DTHD1: variants seen among roughly 807,000 people sequenced by gnomAD.
DTHD1 encodes death domain-containing protein 1.
Under a neutral mutation model 74.8 loss-of-function variants are expected in DTHD1, and 59 were observed. The ratio of observed to expected loss-of-function variants is 0.79; its 90% CI spans 0.64 to 0.98. The LOEUF (loss-of-function observed/expected upper bound fraction) is 0.98, where lower values mean the gene tolerates loss of function less well. Ranked by LOEUF, DTHD1 falls within the 50% of genes least tolerant of loss-of-function variation. The pLI is 0.00. For synonymous variants in DTHD1, 365 were observed against 371.1 expected (o/e 0.98, Z 0.19); for missense variants, 1,051 against 1,065.4 (o/e 0.99, Z 0.19).
At chr4:36,342,153 C>T (rs962625657) in intron 9 of DTHD1, among the ~76,000 whole-genome samples, 12 of 152,138 alleles carry the variant, frequency 7.9e-5, no homozygotes, top group African/African-American at 2.2e-4. Flanking sequence ...TTGCTGATGA[C>T]GTGGATGGGA....
intron 8 of DTHD1, among the ~76,000 whole-genome samples, chr4:36,329,460 A>G (rs553443386): frequency 2.6e-5 from 4 of 152,298 alleles, no homozygotes; most frequent in Admixed American, 2.6e-4. Flanking sequence ...CTTGAGCAGG[A>G]CAGCTCCAGT....
chr4:36,305,020 T>C (rs890525143), intron 5 of DTHD1, among the ~76,000 whole-genome samples: 1 of 152,078 alleles, frequency 6.6e-6, no homozygotes, highest in African/African-American at 2.4e-5. Flanking sequence ...TGAGCTGTGG[T>C]TGGGGAAAAG....
rs35552684 is a variant in DTHD1, at chr4:36,293,034, C to A, written c.1219-492C>A. ...AGAGAAAATGACTTTATTTGGGGAA[C>A]CTAAGATACTGTGAGCTATTAGAAG... On this transcript the variant is annotated intron_variant, in intron 3 of 9. Transcript: ENST00000639862. Among the ~76,000 whole-genome samples the A allele has an allele frequency of 3.1e-3, 479 of 152,266 alleles. 3 individuals are homozygous for A. The highest frequency in any genetic ancestry group is 5.5e-3 in the Non-Finnish European group (373 of 68,008).
intron 7 of DTHD1, among the ~76,000 whole-genome samples, chr4:36,313,646 T>TA (rs1757529062): frequency 6.6e-6 from 1 of 152,218 alleles, no homozygotes; most frequent in Admixed American, 6.5e-5. Flanking sequence ...TATATAAATG[T>TA]GATCTTTAGA....
intron 1 of DTHD1, among the ~76,000 whole-genome samples, chr4:36,282,761 G>A (rs1755473162): frequency 1.3e-5 from 2 of 152,164 alleles, no homozygotes; most frequent in Non-Finnish European, 2.9e-5. Flanking sequence ...AGGAAATCCA[G>A]GGTAGATGAT....
chr4:36,301,478 A>G (rs1756769266), intron 5 of DTHD1, among the ~76,000 whole-genome samples: 1 of 152,204 alleles, frequency 6.6e-6, no homozygotes, highest in Non-Finnish European at 1.5e-5. Context: ...TAATAGTACT[A>G]GATGAAAAAG....
chr4:36,295,146 T>G (rs1193021450), intron 5 of DTHD1, 107 bp downstream of exon 5: 6 of 1,231,154 alleles, frequency 4.9e-6, no homozygotes, highest in South Asian at 4.2e-5. Context: ...TATTAAAATA[T>G]TATGAAATAT....
chr4:36,281,651 C>T lies in DTHD1; in HGVS notation c.-108C>T, dbSNP rs1319352606. The T allele has an allele frequency of 8.1e-7, 1 of 1,232,138 alleles. No homozygotes were observed. Among genetic ancestry groups the T allele is most frequent in the African/African-American group, 1.6e-5 (1 of 64,418 alleles). 76.3% of individuals were successfully genotyped at this position (1,232,138 alleles called of 1,614,324 possible). A position where few individuals can be genotyped will look rare whatever the true frequency, so the allele number is the denominator to read the frequency against. On this transcript the variant is annotated 5_prime_UTR_variant, in exon 1 of 10. Transcript: ENST00000639862. ...TGTGAGAAAGTGCTGGGCTAGCTGA[C>T]TCGGATCATCTCCTAGAGTTTAGGA...
intron 8 of DTHD1, among the ~76,000 whole-genome samples, chr4:36,322,756 T>C (rs1249779265): frequency 6.6e-6 from 1 of 152,236 alleles, no homozygotes; most frequent in Non-Finnish European, 1.5e-5. Context: ...AGAATAATGA[T>C]TCACCACTAA....
rs1190409837 is a variant in DTHD1, at chr4:36,290,695, G to A, written c.1210G>A (p.Gly404Ser). 6 of 1,534,904 alleles carry A rather than the reference G, an allele frequency of 3.9e-6. No individual in the cohort carries two copies. The highest frequency in any genetic ancestry group is 5.2e-6 in the Non-Finnish European group (6 of 1,143,940). The change falls in exon 3 of 10, where the codon GGT (glycine) becomes AGT (serine). Residue 404 changes from glycine to serine, a missense_variant. Coordinates refer to ENST00000639862, the MANE Select transcript of DTHD1 (RefSeq NM_001170700.3). ...NPNSLEGMKG[G>S]YKGTCASVKV... ...AAATTCACTAGAAGGAATGAAGGGAGGTTATAAGGTTAGTAAATTCTTGGC... is the reference window on the plus strand; with the variant it reads ...AAATTCACTAGAAGGAATGAAGGGAAGTTATAAGGTTAGTAAATTCTTGGC...
intron 3 of DTHD1, among the ~76,000 whole-genome samples, chr4:36,292,528 A>G (rs1276105957): frequency 1.3e-5 from 2 of 152,228 alleles, no homozygotes. Context: ...ATTGAAGTGC[A>G]CAGCAACCAC....
chr4:36,337,180 T>A lies in DTHD1; in HGVS notation c.2341-1932T>A, dbSNP rs1759057351. On this transcript the variant is annotated intron_variant, in intron 8 of 9. Transcript: ENST00000639862. ...ATCATGCAAAAAAGGCTTGGGGGCA[T>A]GGAGAGGAGGAAAATGAAAGTGAAG... is the stretch of plus-strand genomic sequence containing the variant. Among the ~76,000 whole-genome samples, 3 of 151,626 alleles carry A rather than the reference T, an allele frequency of 2.0e-5. No individual in the cohort carries two copies. In the South Asian group the frequency reaches 6.3e-4, roughly 32 times the overall value.
intron 8 of DTHD1, among the ~76,000 whole-genome samples, chr4:36,332,541 A>G (rs1375803937): frequency 6.6e-6 from 1 of 152,180 alleles, no homozygotes; most frequent in Non-Finnish European, 1.5e-5. Context: ...TTTCCGCTGC[A>G]TTGTCTTTCA....
chr4:36,308,573 TAC>T, intron 7 of DTHD1, 80 bp downstream of exon 7: 1 of 1,191,524 alleles, frequency 8.4e-7, no homozygotes, highest in Non-Finnish European at 1.1e-6. Flanking sequence ...AAACTTGTGT[TAC>T]TAAGGAAACC....
At chr4:36,343,083 C>CAACAAACAAACA (rs149943081) in intron 9 of DTHD1, among the ~76,000 whole-genome samples, 14,252 of 150,496 alleles carry the variant, frequency 0.095, 1,603 homozygotes, top group African/African-American at 0.27. Context: ...GAGCGAGACT[C>CAACAAACAAACA]AACAAACAAA....
At chr4:36,330,084 T>C (rs1380883016) in intron 8 of DTHD1, among the ~76,000 whole-genome samples, 1 of 152,232 alleles carries the variant, frequency 6.6e-6, no homozygotes, top group Non-Finnish European at 1.5e-5. Context: ...ATACATGATA[T>C]AACTCAATGC....
In DTHD1 at chr4:36,308,511, T is replaced by C; in HGVS notation, c.2095+18T>C. The C allele has an allele frequency of 6.6e-7, 1 of 1,523,094 alleles. No homozygotes were observed. The highest frequency in any genetic ancestry group is 2.5e-5 in the East Asian group (1 of 40,652). 94.3% of individuals were successfully genotyped at this position (1,523,094 alleles called of 1,614,324 possible). A position where few individuals can be genotyped will look rare whatever the true frequency, so the allele number is the denominator to read the frequency against. On this transcript the variant is annotated intron_variant, in intron 7 of 9. Coordinates refer to ENST00000639862, the MANE Select transcript of DTHD1 (RefSeq NM_001170700.3). Reference sequence around the variant, plus strand: ...TGCTTCAAGTAAGTATAAAGAAATCTTTTTATATATTTTATTGGCTATAAG... The same window carrying C: ...TGCTTCAAGTAAGTATAAAGAAATCCTTTTATATATTTTATTGGCTATAAG...
rs376420804 is a variant in DTHD1 at position 36,316,265 on chromosome 4, G to T, written c.2119G>T (p.Asp707Tyr). 1.3e-6 allele frequency: 2 copies of T among 1,551,476 alleles called. No individual in the cohort carries two copies. Among genetic ancestry groups the T allele is most frequent in the Non-Finnish European group, 1.7e-6 (2 of 1,146,922 alleles). The change falls in exon 8 of 10, where the codon GAC becomes TAC. Residue 707 changes from aspartate (D) to tyrosine (Y), a missense_variant. By Grantham distance (160) the Asp-to-Tyr change is radical. Transcript: ENST00000639862. ...ASSNGKDYGKDYTLIFHLQRK... is the reference protein window; with the variant it reads ...ASSNGKDYGKYYTLIFHLQRK... The stretch of plus-strand genomic sequence containing the variant: ...AGGCAACGGGAAGGATTATGGAAAA[G>T]ACTACACACTTATTTTTCACTTGCA...
At chr4:36,326,629 G>A (rs903049547) in intron 8 of DTHD1, among the ~76,000 whole-genome samples, 2 of 152,170 alleles carry the variant, frequency 1.3e-5, no homozygotes, top group East Asian at 1.9e-4. Context: ...TCCCTTCCCC[G>A]AGGATGCATT....
Sources: gnomAD v4.1 joint callset for allele counts (sites outside exome capture counted in the v4.1 genomes callset) on GRCh38, gnomAD v4.1.1 for gene constraint, MANE v1.5 for transcripts, NCBI Gene and HGNC (gene_info 2026-07-23, HGNC 2026-07-21) for gene names.